The following MYH6 variants were observed in gnomAD, a reference collection of about 807,000 sequenced individuals.
MYH6 encodes the protein myosin-6.
MYH6 carries 126 observed loss-of-function variants against 223.2 expected under a neutral mutation model. The ratio of observed to expected loss-of-function variants is 0.56; its 90% CI spans 0.49 to 0.65. MYH6 has a LOEUF of 0.65. Among genes scored for constraint, MYH6 ranks in the 30% least tolerant of loss-of-function variants. The probability of loss-of-function intolerance (pLI) is 0.00; values close to 1 mark genes in which losing one functional copy is unlikely to be tolerated. For missense variants in MYH6, 2,040 were observed against 2,536.4 expected, an observed-to-expected ratio of 0.80 and a Z score of 4.20; for synonymous variants, 978 against 1,010.2, an observed-to-expected ratio of 0.97 and a Z score of 0.61.
In MYH6 at chr14:23,389,072, G is replaced by GGGGGGGGGGGGGCC; in HGVS notation, c.3979-18_3979-17insGGCCCCCCCCCCCC. The GGGGGGGGGGGGGCC allele has an allele frequency of 8.8e-7, 1 of 1,135,128 alleles. No individual in the cohort carries two copies. The highest frequency in any genetic ancestry group is 1.3e-6 in the Non-Finnish European group (1 of 774,118). The allele number at this position is 1,135,128 out of a possible 1,614,324, so 70.3% of individuals were successfully genotyped here. ...GTTCTTCGCCTGGGGAGGGGGGGGG[G>GGGGGGGGGGGGGCC]CACCAGGAGGTGGGAGGGACTCCCT... is the stretch of plus-strand genomic sequence containing the variant. On this transcript the variant is annotated splice_polypyrimidine_tract_variant and intron_variant, in intron 28 of 38. Transcript: ENST00000405093.
intron 20 of MYH6, among the ~76,000 whole-genome samples, chr14:23,394,958 C>T (rs756799149): frequency 4.6e-5 from 7 of 152,198 alleles, no homozygotes; most frequent in South Asian, 2.1e-4. Flanking sequence ...CTCTGCCACC[C>T]GGATTCAAGC....
rs369275573 is a variant in MYH6 at position 23,385,954 on chromosome 14, C to G, written c.5137G>C (p.Glu1713Gln). ...TGGGAATGCAGCAGCTGCACCCGCTCGCTGGTCTCAATCAGCTCCTGCTCC... is the reference window on the plus strand; with the variant it reads ...TGGGAATGCAGCAGCTGCACCCGCTGGCTGGTCTCAATCAGCTCCTGCTCC... ...LAEQELIETS[E>Q]RVQLLHSQNT... is the part of the protein sequence containing the mutation. Residue 1713 changes from glutamate (E) to glutamine (Q), a missense_variant, in exon 34 of 39, where the codon GAG becomes CAG. Coordinates refer to ENST00000405093, the MANE Select transcript of MYH6 (RefSeq NM_002471.4). The G allele has an allele frequency of 2.7e-5, 44 of 1,614,076 alleles. No homozygotes were observed. The highest frequency in any genetic ancestry group is 3.6e-5 in the Non-Finnish European group (43 of 1,180,040).
chr14:23,385,851 T>G, intron 34 of MYH6, 77 bp downstream of exon 34: 1 of 1,593,310 alleles, frequency 6.3e-7, no homozygotes, highest in Non-Finnish European at 8.6e-7. Context: ...TGTGCTCACT[T>G]AGAACATCTG....
intron 32 of MYH6, 134 bp downstream of exon 32, chr14:23,387,395 G>T (rs1426823482): frequency 4.2e-6 from 6 of 1,413,082 alleles, no homozygotes; most frequent in African/African-American, 1.4e-5. Context: ...GTAGTGAATA[G>T]TGGGTAGATA....
At position 23,392,663 on chromosome 14, in the gene MYH6, A is replaced by C; in HGVS notation, c.3252-11T>G. ...ATGTCAAACTCCTTCCTGCAGGAGA[A>C]GGGTGGGGGTGGGGGAGTGACAGGT... On this transcript the variant is annotated splice_polypyrimidine_tract_variant and intron_variant, in intron 24 of 38. Coordinates refer to ENST00000405093, the MANE Select transcript of MYH6 (RefSeq NM_002471.4). The C allele has an allele frequency of 5.7e-6, 3 of 521,826 alleles. No individual in the cohort carries two copies. Among genetic ancestry groups the C allele is most frequent in the Non-Finnish European group, 9.3e-6 (3 of 323,770 alleles). 32.3% of individuals were successfully genotyped at this position (521,826 alleles called of 1,614,324 possible).
chr14:23,405,062 A>G lies in MYH6; in HGVS notation c.530+38T>C, dbSNP rs780730519. On this transcript the variant is annotated intron_variant, in intron 6 of 38. Coordinates refer to ENST00000405093, the MANE Select transcript of MYH6 (RefSeq NM_002471.4). The surrounding 1 kb of genome is among the most constrained non-coding windows in gnomAD (Gnocchi z 4.7). The stretch of plus-strand genomic sequence containing the variant: ...CCTAGGCATCAGCGTGTATGCCCCC[A>G]GCCCAGTCCCTTCTGTGGGAGGATG... The G allele has an allele frequency of 6.8e-6, 11 of 1,613,890 alleles. No individual in the cohort carries two copies. Among genetic ancestry groups the G allele is most frequent in the African/African-American group, 1.3e-5 (1 of 74,912 alleles).
intron 29 of MYH6, 104 bp from the exon 30 acceptor site, chr14:23,388,442 G>T: frequency 1.9e-6 from 3 of 1,538,474 alleles, no homozygotes; most frequent in Non-Finnish European, 1.8e-6. Context: ...TTGAGACACC[G>T]TAAGTCCAGC....
At chr14:23,388,384 A>G (rs1244117363) in intron 29 of MYH6, 46 bp from the exon 30 acceptor site, 2 of 1,608,700 alleles carry the variant, frequency 1.2e-6, no homozygotes. Flanking sequence ...CTACTGGGCA[A>G]CACTGGAGCC....
In MYH6 at chr14:23,389,580, TA is replaced by T. The variant is rs1186173826; in HGVS notation, c.3859+12del. ...GTCCTGCCCTAGGCAGGGGGTTGGTTAGGGGCACCCACCATTCTCGGTCTGC... is the reference window on the plus strand; with the variant it reads ...GTCCTGCCCTAGGCAGGGGGTTGGTTGGGGCACCCACCATTCTCGGTCTGC... On this transcript the variant is annotated intron_variant, in intron 27 of 38. Coordinates refer to ENST00000405093, the MANE Select transcript of MYH6 (RefSeq NM_002471.4). 5 of 1,613,974 alleles carry T rather than the reference TA, an allele frequency of 3.1e-6. No homozygotes were observed. The African/African-American group carries it at 5.3e-5, about 17-fold the overall frequency.
chr14:23,388,828 G>A, intron 29 of MYH6, 31 bp downstream of exon 29: 1 of 1,613,888 alleles, frequency 6.2e-7, no homozygotes, highest in East Asian at 2.2e-5. Context: ...TCCTCTCTGA[G>A]AGTCAGGTTA....
intron 14 of MYH6, 25 bp downstream of exon 14, chr14:23,400,231 A>G: frequency 6.2e-7 from 1 of 1,614,196 alleles, no homozygotes; most frequent in East Asian, 2.2e-5. Flanking sequence ...AGGAGGGGGC[A>G]TAGGTGGTGA....
At position 23,404,293 on chromosome 14, in the gene MYH6, C is replaced by T; in HGVS notation, c.735+3G>A. 3 of 1,614,246 alleles carry T rather than the reference C, an allele frequency of 1.9e-6. No homozygotes were observed. The highest frequency in any genetic ancestry group is 1.7e-6 in the Non-Finnish European group (2 of 1,180,032). On this transcript the variant is annotated splice_donor_region_variant and intron_variant, in intron 8 of 38. Transcript: ENST00000405093. ...GCCACTGGGAGTGGTCAAAGGCACT[C>T]ACAAAGCGGGAGGAGTTGTCGTTCC...
At position 23,393,912 on chromosome 14, in the gene MYH6, G is replaced by A. The variant is rs367828812; in HGVS notation, c.2686-4C>T. On this transcript the variant is annotated splice_polypyrimidine_tract_variant and splice_region_variant and intron_variant, in intron 21 of 38. Transcript: ENST00000405093. ...CATCATTGAGGTTGTCTTGTTCCTG[G>A]GAGAAGAGAACAGGGAGGAAGCTGA... 15 of 1,614,128 alleles carry A rather than the reference G, an allele frequency of 9.3e-6. No homozygotes were observed. The highest frequency in any genetic ancestry group is 1.3e-5 in the African/African-American group (1 of 75,012).
Position 23,384,614 on chromosome 14 carries a change from C to T in MYH6, c.5393G>A (p.Arg1798Gln), listed in dbSNP as rs759281871. ...MEQTIKDLQH[R>Q]LDEAEQIALK... ...GGCGATCTGCTCGGCCTCGTCCAGCCGGTGCTGCAGGTCCTTAATGGTCTG... is the reference window on the plus strand; with the variant it reads ...GGCGATCTGCTCGGCCTCGTCCAGCTGGTGCTGCAGGTCCTTAATGGTCTG... The change falls in exon 36 of 39, where the codon CGG becomes CAG. Residue 1798 changes from arginine (R) to glutamine (Q), a missense_variant. Physicochemically the swap from Arg to Gln is conservative, Grantham distance 43. Around this residue, in one of 4 missense-constraint regions of MYH6, gnomAD observed 1,203 missense variants for 1,400.2 expected, o/e 0.86. Transcript: ENST00000405093. 20 of 1,613,834 alleles carry T rather than the reference C, an allele frequency of 1.2e-5. No individual in the cohort carries two copies. The highest frequency in any genetic ancestry group is 2.2e-5 in the South Asian group (2 of 91,072).
chr14:23,405,836 C>A lies in MYH6; in HGVS notation c.202-66G>T. 6.2e-7 allele frequency: 1 copy of A among 1,601,678 alleles called. No homozygotes were observed. Among genetic ancestry groups the A allele is most frequent in the Non-Finnish European group, 8.6e-7 (1 of 1,169,032 alleles). On this transcript the variant is annotated intron_variant, in intron 3 of 38. Transcript: ENST00000405093. This position sits in a 1 kb window ranked among gnomAD's most constrained non-coding sequence, Gnocchi z 4.7. ...CCCTCCGGGACCCTTGCCAGCACTGCCCACTGACCTCCTCCCAGGACACAG... is the reference window on the plus strand; with the variant it reads ...CCCTCCGGGACCCTTGCCAGCACTGACCACTGACCTCCTCCCAGGACACAG...
Position 23,405,366 on chromosome 14 carries a change from A to G in MYH6, c.359T>C (p.Leu120Pro), listed in dbSNP as rs1891752094. 1 of 1,614,018 alleles carries G rather than the reference A, an allele frequency of 6.2e-7. No individual in the cohort carries two copies. Among genetic ancestry groups the G allele is most frequent in the Non-Finnish European group, 8.5e-7 (1 of 1,179,996 alleles). ...GTAGGGGTTGACAGTGACACAGAAG[A>G]GGCCCGAGTAGGTCTGGAGCAGGAG... ...AAWMIYTYSG[L>P]FCVTVNPYKW... Residue 120 changes from leucine (L) to proline (P), a missense_variant, in exon 5 of 39, where the codon CTC (leucine) becomes CCC (proline). By Grantham distance (98) the Leu-to-Pro change is moderately conservative. Around this residue, in one of 4 missense-constraint regions of MYH6, gnomAD observed 184 missense variants for 232.4 expected, o/e 0.79. Coordinates refer to ENST00000405093, the MANE Select transcript of MYH6 (RefSeq NM_002471.4). This position sits in a 1 kb window ranked among gnomAD's most constrained non-coding sequence, Gnocchi z 4.7.
At chr14:23,382,128 C>G in intron 38 of MYH6, 65 bp from the exon 39 acceptor site, 1 of 1,486,748 alleles carries the variant, frequency 6.7e-7, no homozygotes, top group Non-Finnish European at 9.4e-7. Flanking sequence ...GGGGACAAAT[C>G]CCTGGGGCTT....
At position 23,407,264 on chromosome 14, in the gene MYH6, A is replaced by G. The variant is rs768275570; in HGVS notation, c.-13-28T>C. 1.2e-6 allele frequency: 2 copies of G among 1,610,698 alleles called. No homozygotes were observed. The highest frequency in any genetic ancestry group is 1.1e-5 in the South Asian group (1 of 90,892). ...GGGTCAGAGACAGGAGGGCTATGTT[A>G]CTCCTGAGGGAGCCCAGGCTCCAGC... is the stretch of plus-strand genomic sequence containing the variant. On this transcript the variant is annotated intron_variant, in intron 2 of 38. Transcript: ENST00000405093. The surrounding 1 kb of genome is among the most constrained non-coding windows in gnomAD (Gnocchi z 5.6).
Position 23,384,602 on chromosome 14 carries a change from G to T in MYH6, c.5405C>A (p.Ala1802Asp). ...IKDLQHRLDE[A>D]EQIALKGGKK... ...GCCTCCCTTGAGGGCGATCTGCTCG[G>T]CCTCGTCCAGCCGGTGCTGCAGGTC... Residue 1802 changes from alanine (A) to aspartate (D), a missense_variant, in exon 36 of 39, where the codon GCC becomes GAC. Transcript: ENST00000405093. 6.2e-7 allele frequency: 1 copy of T among 1,613,776 alleles called. No individual in the cohort carries two copies. Among genetic ancestry groups the T allele is most frequent in the Non-Finnish European group, 8.5e-7 (1 of 1,180,042 alleles).
Sources: allele counts gnomAD v4.1 joint callset (sites outside exome capture counted in the v4.1 genomes callset), GRCh38; gene constraint gnomAD v4.1.1; regional missense constraint gnomAD v4.1.1; non-coding constraint Gnocchi (gnomAD v3.1); transcripts MANE v1.5; gene names NCBI Gene and HGNC (gene_info 2026-07-23, HGNC 2026-07-21).